C2orf49: variants seen among roughly 807,000 people sequenced by gnomAD.
The protein encoded by C2orf49 is tRNA splicing ligase complex subunit 2.
Under a neutral mutation model 20.6 loss-of-function variants are expected in C2orf49, and 11 were observed. The observed-to-expected ratio is 0.53, with a 90% CI of 0.34 to 0.88. C2orf49 has a LOEUF of 0.88. C2orf49 is among the 40% of genes least tolerant of loss of function. The probability of loss-of-function intolerance (pLI) is 0.02; values close to 1 mark genes in which losing one functional copy is unlikely to be tolerated. For missense variants in C2orf49, 289 were observed against 274.2 expected (o/e 1.05, Z -0.38); for synonymous variants, 134 against 108.5 (o/e 1.24, Z -1.46).
chr2:105,367,452 G>T, the C2orf49 span: 1 of 1,031,846 alleles, frequency 9.7e-7, no homozygotes, highest in Non-Finnish European at 1.4e-6. Flanking sequence ...GACAGGCACA[G>T]CTCCCACGCC....
At chr2:105,373,969 CAT>C in the C2orf49 span, 1 of 559,040 alleles carries the variant, frequency 1.8e-6, no homozygotes, top group Non-Finnish European at 3.2e-6. Flanking sequence ...CATGTATGCA[CAT>C]GTCTGTGTGT....
At chr2:105,377,811 T>C in the C2orf49 span, 11 of 338,306 alleles carry the variant, frequency 3.3e-5, no homozygotes, top group Non-Finnish European at 5.8e-5. Flanking sequence ...ACAAGAGACC[T>C]GAAGGAGTAG....
the C2orf49 span, among the ~76,000 whole-genome samples, chr2:105,366,539 C>T: frequency 1.4e-4 from 22 of 152,128 alleles, no homozygotes; most frequent in Admixed American, 3.3e-4. Context: ...AGGACAGAGA[C>T]GCTGGAAGCT....
At chr2:105,372,495 G>A in the C2orf49 span, among the ~76,000 whole-genome samples, 1 of 152,084 alleles carries the variant, frequency 6.6e-6, no homozygotes, top group Non-Finnish European at 1.5e-5. Flanking sequence ...AAAGTGCTGG[G>A]ATTACAGGGG....
At chr2:105,340,885 G>A (rs561542621) in intron 2 of C2orf49, among the ~76,000 whole-genome samples, 2 of 152,284 alleles carry the variant, frequency 1.3e-5, no homozygotes, top group African/African-American at 4.8e-5. Context: ...AGAAGACAGA[G>A]TAGGAGGGTA....
At chr2:105,361,448 G>T in the C2orf49 span, 1 of 1,608,012 alleles carries the variant, frequency 6.2e-7, no homozygotes, top group Non-Finnish European at 8.5e-7. Context: ...TTAACAGAGA[G>T]AAAATAATAC....
At chr2:105,383,705 C>T in the C2orf49 span, among the ~76,000 whole-genome samples, 2 of 152,168 alleles carry the variant, frequency 1.3e-5, no homozygotes, top group South Asian at 4.1e-4. Flanking sequence ...CCCCGCCTGC[C>T]AGGATTGTGG....
chr2:105,385,109 CT>C, the C2orf49 span, among the ~76,000 whole-genome samples: 2 of 152,186 alleles, frequency 1.3e-5, no homozygotes, highest in Non-Finnish European at 2.9e-5. Flanking sequence ...AGTTTCGTTT[CT>C]TTTACATTCA....
rs6749911 is a variant in C2orf49, at chr2:105,345,882, G to C, written c.*511G>C. On this transcript the variant is annotated 3_prime_UTR_variant, in exon 4 of 4. Coordinates refer to ENST00000258457, the MANE Select transcript of C2orf49 (RefSeq NM_024093.3). The stretch of plus-strand genomic sequence containing the variant: ...GGAGGCTGAGACAGGAGAATCGCTT[G>C]AACCTGAGAGGCGGAGGTTGCGGGG... 1 of 152,600 alleles carries C rather than the reference G, an allele frequency of 6.6e-6. No individual in the cohort carries two copies. Among genetic ancestry groups the C allele is most frequent in the Non-Finnish European group, 1.5e-5 (1 of 68,508 alleles). The allele number at this position is 152,600 out of a possible 1,614,324, so 9.5% of individuals were successfully genotyped here.
the C2orf49 span, among the ~76,000 whole-genome samples, chr2:105,382,613 C>T: frequency 6.6e-6 from 1 of 152,342 alleles, no homozygotes; most frequent in East Asian, 1.9e-4. Flanking sequence ...AGGCAATACA[C>T]AGTGGTTTCA....
At chr2:105,357,040 T>C in the C2orf49 span, among the ~76,000 whole-genome samples, 2 of 152,188 alleles carry the variant, frequency 1.3e-5, no homozygotes, top group Non-Finnish European at 2.9e-5. Context: ...CTCAAACTCC[T>C]AGACTCAAGC....
chr2:105,365,414 G>A, the C2orf49 span, among the ~76,000 whole-genome samples: 2 of 152,200 alleles, frequency 1.3e-5, no homozygotes, highest in Non-Finnish European at 2.9e-5. Context: ...CAAAAAGCAT[G>A]CATCCCAGAA....
intron 1 of C2orf49, among the ~76,000 whole-genome samples, 172 bp downstream of exon 1, chr2:105,337,858 T>C (rs1679546858): frequency 6.6e-6 from 1 of 151,940 alleles, no homozygotes. Context: ...CCTCGCCCCC[T>C]CTCCAAAAAT....
At chr2:105,342,284 A>G (rs1445394404) in intron 2 of C2orf49, among the ~76,000 whole-genome samples, 1 of 152,244 alleles carries the variant, frequency 6.6e-6, no homozygotes, top group Non-Finnish European at 1.5e-5. Flanking sequence ...TACTATTAAG[A>G]GTGGAAATTA....
At chr2:105,356,250 G>T in the C2orf49 span, among the ~76,000 whole-genome samples, 1 of 151,896 alleles carries the variant, frequency 6.6e-6, no homozygotes, top group Non-Finnish European at 1.5e-5. Context: ...AATGAGCTGG[G>T]CGTGGTGGCA....
At chr2:105,339,785 A>G in intron 2 of C2orf49, 36 bp downstream of exon 2, 5 of 1,506,568 alleles carry the variant, frequency 3.3e-6, no homozygotes, top group Non-Finnish European at 4.4e-6. Flanking sequence ...AATTTATCTT[A>G]TATAACTAAA....
chr2:105,372,772 AT>A, the C2orf49 span, among the ~76,000 whole-genome samples: 1 of 151,844 alleles, frequency 6.6e-6, no homozygotes, highest in African/African-American at 2.4e-5. Context: ...GGCCAGGCCG[AT>A]TTCAAACTCC....
the C2orf49 span, chr2:105,363,377 C>G: frequency 6.2e-7 from 1 of 1,614,090 alleles, no homozygotes; most frequent in Non-Finnish European, 8.5e-7. Flanking sequence ...AGCTGTGAAG[C>G]GCTGCCCAGA....
chr2:105,371,546 A>ATCTCTCTCTCTCTCTCTCTCTC, the C2orf49 span, among the ~76,000 whole-genome samples: 1 of 140,970 alleles, frequency 7.1e-6, no homozygotes, highest in Non-Finnish European at 1.5e-5. Flanking sequence ...ATCCCTTGAA[A>ATCTCTCTCTCTCTCTCTCTCTC]TCTCTCTCTC....
Sources: allele counts gnomAD v4.1 joint callset (sites outside exome capture counted in the v4.1 genomes callset), GRCh38; gene constraint gnomAD v4.1.1; transcripts MANE v1.5; gene names NCBI Gene and HGNC (gene_info 2026-07-23, HGNC 2026-07-21).